Variants in ESR1 observed in about 807,000 individuals in gnomAD.
ESR1 encodes the protein estrogen receptor 1.
ESR1 carries 12 observed loss-of-function variants against 52.7 expected under a neutral mutation model. That is an observed-to-expected ratio of 0.23 (90% CI 0.15 to 0.37). The LOEUF is 0.37. ESR1 is among the 10% of genes least tolerant of loss of function. The pLI, the probability that ESR1 is intolerant of heterozygous loss-of-function variation, is 1.00. For synonymous variants in ESR1, 305 were observed against 316.8 expected, an observed-to-expected ratio of 0.96 and a Z score of 0.39; for missense variants, 584 against 779.7, an observed-to-expected ratio of 0.75 and a Z score of 2.99.
chr6:152,078,318 C>T (rs766009335), intron 6 of ESR1, among the ~76,000 whole-genome samples: 12 of 152,206 alleles, frequency 7.9e-5, no homozygotes, highest in East Asian at 3.9e-4. Flanking sequence ...CTTCTTCTGA[C>T]GATATGGACT....
Position 151,786,768 on chromosome 6 carries a change from C to T in ESR1, c.-70-21075C>T, listed in dbSNP as rs546959239. ...CTTCTGTCTATGGGTAGCTAGTTATCCCAGCCTTAGTTATTGAATAAGGAG... is the reference window on the plus strand; with the variant it reads ...CTTCTGTCTATGGGTAGCTAGTTATTCCAGCCTTAGTTATTGAATAAGGAG... On this transcript the variant is annotated intron_variant, in intron 2 of 2. Coordinates refer to the ESR1 transcript ENST00000404742. Among the ~76,000 whole-genome samples the T allele has an allele frequency of 3.0e-4, 45 of 151,490 alleles. 3 individuals carry two copies. The highest frequency in any genetic ancestry group is 2.7e-3 in the Admixed American group (41 of 15,208).
At chr6:151,694,760 C>T (rs1292408530) in intron 1 of ESR1, among the ~76,000 whole-genome samples, 1 of 150,800 alleles carries the variant, frequency 6.6e-6, no homozygotes, top group African/African-American at 2.4e-5. Flanking sequence ...GAACTCCCAC[C>T]TGGGCAACAG....
chr6:151,849,315 G>A (rs745380569), intron 2 of ESR1, among the ~76,000 whole-genome samples: 7 of 152,064 alleles, frequency 4.6e-5, no homozygotes, highest in African/African-American at 1.2e-4. Context: ...TGTTGGGCAC[G>A]TCCCTACTAA....
intron 3 of ESR1, among the ~76,000 whole-genome samples, chr6:151,882,023 C>T (rs982247718): frequency 1.1e-4 from 16 of 152,068 alleles, no homozygotes; most frequent in African/African-American, 2.7e-4. Context: ...GGGAAAAGCC[C>T]GTTTCTTTTC....
chr6:151,898,027 A>G (rs1177776408), intron 3 of ESR1, among the ~76,000 whole-genome samples: 2 of 152,164 alleles, frequency 1.3e-5, no homozygotes, highest in Non-Finnish European at 2.9e-5. Context: ...TAGGGCCCCA[A>G]TCCCTTCTAG....
chr6:151,754,920 C>A (rs1784164570), intron 2 of ESR1, among the ~76,000 whole-genome samples: 1 of 152,104 alleles, frequency 6.6e-6, no homozygotes, highest in South Asian at 2.1e-4. Context: ...ATGTCTAAAA[C>A]CAAATTCTGG....
chr6:151,694,877 A>G (rs190058994), intron 1 of ESR1, among the ~76,000 whole-genome samples: 2 of 152,252 alleles, frequency 1.3e-5, no homozygotes, highest in African/African-American at 4.8e-5. Context: ...TAAGTGAATG[A>G]GGGTTCACCT....
intron 3 of ESR1, among the ~76,000 whole-genome samples, chr6:151,893,765 A>G (rs994020291): frequency 6.6e-6 from 1 of 152,152 alleles, no homozygotes; most frequent in Non-Finnish European, 1.5e-5. Context: ...GTGCTTAAGG[A>G]GGCTGCTGGA....
intron 3 of ESR1, among the ~76,000 whole-genome samples, chr6:151,887,904 G>A (rs1388037043): frequency 6.6e-6 from 1 of 152,088 alleles, no homozygotes; most frequent in African/African-American, 2.4e-5. Flanking sequence ...TGTTCGGTGT[G>A]TAGATATCCA....
chr6:151,786,010 C>T (rs1055268476), intron 2 of ESR1, among the ~76,000 whole-genome samples: 10 of 152,116 alleles, frequency 6.6e-5, no homozygotes, highest in African/African-American at 2.2e-4. Context: ...CTGTGTCAAG[C>T]TTGGTAAGCG....
chr6:152,106,871 G>A (rs1312073803), downstream of ESR1, among the ~76,000 whole-genome samples: 1 of 152,172 alleles, frequency 6.6e-6, no homozygotes, highest in African/African-American at 2.4e-5. Context: ...CTCCCAAGGT[G>A]CTGAGATTAC....
intron 2 of ESR1, among the ~76,000 whole-genome samples, chr6:151,864,238 T>A (rs932502098): frequency 6.6e-6 from 1 of 152,024 alleles, no homozygotes; most frequent in African/African-American, 2.4e-5. Flanking sequence ...CTCAAACAAA[T>A]TTACAAGAAA....
At chr6:151,942,599 T>A (rs1028258030) in intron 3 of ESR1, among the ~76,000 whole-genome samples, 4 of 151,308 alleles carry the variant, frequency 2.6e-5, no homozygotes, top group African/African-American at 4.8e-5. Flanking sequence ...GAAGAGTTCA[T>A]GGCTTCTCTA....
chr6:151,979,374 C>T (rs1166455144), intron 4 of ESR1, among the ~76,000 whole-genome samples: 1 of 151,872 alleles, frequency 6.6e-6, no homozygotes, highest in African/African-American at 2.4e-5. Context: ...TTAAATTATC[C>T]TAAAATGATT....
chr6:151,894,157 A>G (rs1795102392), intron 3 of ESR1, among the ~76,000 whole-genome samples: 1 of 152,120 alleles, frequency 6.6e-6, no homozygotes, highest in African/African-American at 2.4e-5. Flanking sequence ...GGTGATGTTG[A>G]GTATTTTTTC....
At chr6:151,671,744 C>A (rs1248684910) in intron 1 of ESR1, among the ~76,000 whole-genome samples, 1 of 152,066 alleles carries the variant, frequency 6.6e-6, no homozygotes, top group East Asian at 1.9e-4. Context: ...GTAATCCCAG[C>A]ACTTTGGGAG....
At chr6:151,699,727 T>TG (rs1184056812) in intron 1 of ESR1, among the ~76,000 whole-genome samples, 1 of 152,206 alleles carries the variant, frequency 6.6e-6, no homozygotes, top group Non-Finnish European at 1.5e-5. Flanking sequence ...TCAATGTTGG[T>TG]GTCAATCTCG....
At chr6:151,881,533 TC>T (rs1294165305) in intron 3 of ESR1, among the ~76,000 whole-genome samples, 2 of 152,176 alleles carry the variant, frequency 1.3e-5, no homozygotes, top group East Asian at 3.9e-4. Context: ...CTGATTGACC[TC>T]ATTGTATTCT....
intron 1 of ESR1, among the ~76,000 whole-genome samples, chr6:151,664,796 A>G (rs1367308214): frequency 2.0e-5 from 3 of 152,186 alleles, no homozygotes; most frequent in Non-Finnish European, 1.5e-5. Flanking sequence ...AGAAAAATGT[A>G]TTGTGTCTGT....
Sources: gnomAD v4.1 joint callset for allele counts (sites outside exome capture counted in the v4.1 genomes callset) on GRCh38, gnomAD v4.1.1 for gene constraint, MANE v1.5 for transcripts, NCBI Gene and HGNC (gene_info 2026-07-23, HGNC 2026-07-21) for gene names.